The following ADAM19 variants were observed in gnomAD, a reference collection of about 807,000 sequenced individuals.
ADAM19 encodes disintegrin and metalloproteinase domain-containing protein 19.
In ADAM19, 65 loss-of-function variants were observed where a neutral mutation model predicts 114.7. The observed-to-expected ratio is 0.57, with a 90% CI of 0.46 to 0.70. The LOEUF is 0.70. Among genes scored for constraint, ADAM19 ranks in the 30% least tolerant of loss-of-function variants. ADAM19 has a pLI of 0.00. For synonymous variants in ADAM19, 466 were observed against 460.5 expected (o/e 1.01, Z -0.15); for missense variants, 1,063 against 1,204.7 (o/e 0.88, Z 1.74).
intron 3 of ADAM19, among the ~76,000 whole-genome samples, chr5:157,558,168 C>A (rs1430293974): frequency 6.6e-6 from 1 of 152,212 alleles, no homozygotes; most frequent in African/African-American, 2.4e-5. Context: ...GCATTCACTG[C>A]CTTCAGCGTC....
intron 3 of ADAM19, among the ~76,000 whole-genome samples, chr5:157,552,220 A>C (rs1179911169): frequency 2.0e-5 from 3 of 152,158 alleles, no homozygotes; most frequent in Non-Finnish European, 4.4e-5. Flanking sequence ...AAAGATAGGC[A>C]ATAATAAATG....
intron 16 of ADAM19, 41 bp from the exon 17 acceptor site, chr5:157,491,953 G>A: frequency 1.2e-6 from 2 of 1,604,074 alleles, no homozygotes; most frequent in African/African-American, 1.3e-5. Flanking sequence ...CAATGGGAGG[G>A]ATGCTGGTTG....
intron 3 of ADAM19, among the ~76,000 whole-genome samples, chr5:157,556,251 C>A: frequency 9.1e-6 from 1 of 109,366 alleles, no homozygotes; most frequent in African/African-American, 3.5e-5. Context: ...TGGGGTCTCA[C>A]TCTATTGCCC....
chr5:157,516,935 A>AGC (rs763936180), intron 7 of ADAM19, among the ~76,000 whole-genome samples: 6 of 150,254 alleles, frequency 4.0e-5, no homozygotes, highest in African/African-American at 1.2e-4. Flanking sequence ...GAAAACATAG[A>AGC]ACACACACAC....
chr5:157,481,653 T>A, intron 22 of ADAM19, 138 bp downstream of exon 22: 1 of 1,551,600 alleles, frequency 6.4e-7, no homozygotes, highest in South Asian at 1.2e-5. Flanking sequence ...AACATGAATG[T>A]TTTGCCCTTG....
intron 19 of ADAM19, 23 bp from the exon 20 acceptor site, chr5:157,489,209 G>T (rs1250186558): frequency 9.6e-6 from 15 of 1,559,316 alleles, no homozygotes; most frequent in African/African-American, 2.7e-5. Context: ...AATGGGGGAG[G>T]AAAAGAAAGG....
At chr5:157,496,847 G>A in intron 14 of ADAM19, 47 bp downstream of exon 14, 1 of 1,481,392 alleles carries the variant, frequency 6.8e-7, no homozygotes, top group Non-Finnish European at 8.9e-7. Flanking sequence ...GAGGCTGGCT[G>A]GGAAGTGGTG....
At chr5:157,558,225 G>A in intron 3 of ADAM19, among the ~76,000 whole-genome samples, 1 of 152,188 alleles carries the variant, frequency 6.6e-6, no homozygotes, top group East Asian at 1.9e-4. Flanking sequence ...AAGAACATGT[G>A]AAGAAAATTT....
Position 157,500,116 on chromosome 5 carries a change from G to A in ADAM19, c.1309-454C>T, listed in dbSNP as rs188612052. ...ACCTCAAAAATCATGTGACAGCTTC[G>A]TCACTAAGCTAATGTGTACTTGTCA... On this transcript the variant is annotated intron_variant, in intron 12 of 22. Coordinates refer to ENST00000257527, the MANE Select transcript of ADAM19 (RefSeq NM_033274.5). Among the ~76,000 whole-genome samples, 259 of 152,132 alleles carry A rather than the reference G, an allele frequency of 1.7e-3. 2 individuals carry two copies. The highest frequency in any genetic ancestry group is 4.1e-3 in the Admixed American group (63 of 15,288).
chr5:157,509,593 T>C, intron 8 of ADAM19, 126 bp from the exon 9 acceptor site: 1 of 821,830 alleles, frequency 1.2e-6, no homozygotes, highest in Non-Finnish European at 1.7e-6. Flanking sequence ...TAAAAATAAA[T>C]TTAAAAAAAA....
chr5:157,567,458 A>G (rs6875939), intron 2 of ADAM19, among the ~76,000 whole-genome samples: 31,171 of 152,150 alleles, frequency 0.2, 4,560 homozygotes, highest in African/African-American at 0.41. Context: ...TGCCCTGCCC[A>G]ATCACACTGA....
At chr5:157,519,636 T>C (rs1350413288) in intron 6 of ADAM19, among the ~76,000 whole-genome samples, 3 of 152,252 alleles carry the variant, frequency 2.0e-5, no homozygotes, top group African/African-American at 7.2e-5. Context: ...GTTTTAAAGG[T>C]AGTAGTGTTT....
At chr5:157,491,522 G>T in intron 18 of ADAM19, 93 bp downstream of exon 18, 2 of 887,024 alleles carry the variant, frequency 2.3e-6, no homozygotes, top group Non-Finnish European at 1.7e-6. Context: ...CAATGAAGCT[G>T]ATTCAATGTG....
chr5:157,520,123 C>CA (rs1279430614), intron 5 of ADAM19, 92 bp from the exon 6 acceptor site: 1 of 1,286,508 alleles, frequency 7.8e-7, no homozygotes, highest in African/African-American at 1.5e-5. Context: ...TGCAAAATGA[C>CA]ATAGTGGGTT....
Position 157,520,014 on chromosome 5 carries a change from C to G in ADAM19, c.425G>C (p.Ser142Thr). 6.2e-7 allele frequency: 1 copy of G among 1,613,920 alleles called. No homozygotes were observed. The highest frequency in any genetic ancestry group is 1.7e-5 in the Admixed American group (1 of 59,988). ...CTCGATGACGTAGCTGAGGTTGCTG[C>G]TCACCGTAATCAGTCCTCTGTTGAG... Reference protein sequence around the residue: ...CRGIRGLITVSSNLSYVIEPL... With the variant: ...CRGIRGLITVTSNLSYVIEPL... Residue 142 changes from serine (S) to threonine (T), a missense_variant, in exon 6 of 23, where the codon AGC (serine) becomes ACC (threonine). Ser to Thr is a moderately conservative substitution (Grantham distance 58). Coordinates refer to ENST00000257527, the MANE Select transcript of ADAM19 (RefSeq NM_033274.5).
At chr5:157,562,011 C>T (rs1235884011) in intron 3 of ADAM19, among the ~76,000 whole-genome samples, 1 of 152,046 alleles carries the variant, frequency 6.6e-6, no homozygotes, top group African/African-American at 2.4e-5. Context: ...CTAGTTTCCC[C>T]CAAATGTCAT....
Position 157,480,306 on chromosome 5 carries a change from T to C in ADAM19, c.*643A>G, listed in dbSNP as rs1754705714. ...GTCTACACTGCCTACGAATAGTACC[T>C]GTCTGAGTCAGAGTGACCCGTGTGA... On this transcript the variant is annotated 3_prime_UTR_variant, in exon 23 of 23. Transcript: ENST00000257527. The C allele has an allele frequency of 2.0e-6, 2 of 986,036 alleles. No homozygotes were observed. The highest frequency in any genetic ancestry group is 4.7e-5 in the South Asian group (1 of 21,306). The allele number at this position is 986,036 out of a possible 1,614,324, so 61.1% of individuals were successfully genotyped here.
intron 3 of ADAM19, among the ~76,000 whole-genome samples, chr5:157,558,418 T>A (rs538303285): frequency 2.0e-5 from 3 of 152,252 alleles, no homozygotes; most frequent in Admixed American, 6.5e-5. Context: ...GGTTAAAGAA[T>A]GATATCCTTT....
intron 1 of ADAM19, 121 bp downstream of exon 1, chr5:157,575,482 G>C: frequency 3.0e-6 from 2 of 666,494 alleles, no homozygotes; most frequent in South Asian, 2.8e-5. Flanking sequence ...GACGGCGGGG[G>C]CGCAGGCCCC....
Sources: allele counts gnomAD v4.1 joint callset (sites outside exome capture counted in the v4.1 genomes callset), GRCh38; gene constraint gnomAD v4.1.1; transcripts MANE v1.5; gene names NCBI Gene and HGNC (gene_info 2026-07-23, HGNC 2026-07-21).